Variants in FBXO4 observed in about 807,000 individuals in gnomAD.
FBXO4 encodes F-box protein 4.
A neutral mutation model predicts 43.7 loss-of-function variants in FBXO4; 36 were observed. The observed-to-expected ratio is 0.82, with a 90% CI of 0.63 to 1.09. The LOEUF (loss-of-function observed/expected upper bound fraction) is 1.09. Ranked by LOEUF, FBXO4 falls within the 50% of genes least tolerant of loss-of-function variation. FBXO4 has a pLI of 0.00. For missense variants in FBXO4, 435 were observed against 474.1 expected (o/e 0.92, Z 0.77); for synonymous variants, 180 against 165.6 (o/e 1.09, Z -0.67).
At chr5:41,956,208 C>A in the FBXO4 span, among the ~76,000 whole-genome samples, 1 of 152,112 alleles carries the variant, frequency 6.6e-6, no homozygotes, top group African/African-American at 2.4e-5. Flanking sequence ...ACTATACACC[C>A]TATGTTCAAG....
At chr5:41,998,493 T>C in the FBXO4 span, among the ~76,000 whole-genome samples, 1 of 152,182 alleles carries the variant, frequency 6.6e-6, no homozygotes, top group Non-Finnish European at 1.5e-5. Flanking sequence ...TCCAGCTAGC[T>C]CACAGTGGGC....
At chr5:42,020,432 G>A in the FBXO4 span, among the ~76,000 whole-genome samples, 1 of 152,138 alleles carries the variant, frequency 6.6e-6, no homozygotes, top group African/African-American at 2.4e-5. Flanking sequence ...AGTGAATCAA[G>A]AGGGTAACAT....
chr5:41,934,787 T>C, intron 5 of FBXO4: 2 of 1,005,188 alleles, frequency 2.0e-6, no homozygotes, highest in Non-Finnish European at 2.4e-6. Flanking sequence ...GGGTGTTAAG[T>C]AGATTAGTTG....
chr5:41,983,137 G>A, the FBXO4 span, among the ~76,000 whole-genome samples: 379 of 152,168 alleles, frequency 2.5e-3, 2 homozygotes, highest in Admixed American at 4.1e-3. Flanking sequence ...ATTTGGGTTG[G>A]TTACAAGTCT....
At chr5:42,036,652 G>A in the FBXO4 span, among the ~76,000 whole-genome samples, 1 of 152,070 alleles carries the variant, frequency 6.6e-6, no homozygotes, top group Non-Finnish European at 1.5e-5. Flanking sequence ...GGGCCTGAGG[G>A]GGCAGAGTCA....
At chr5:41,967,246 T>C in the FBXO4 span, 1 of 489,050 alleles carries the variant, frequency 2.0e-6, no homozygotes, top group South Asian at 1.6e-5. Flanking sequence ...ATTGCCACTG[T>C]CATAGGGCCA....
chr5:42,038,970 T>C, the FBXO4 span, among the ~76,000 whole-genome samples: 1 of 152,164 alleles, frequency 6.6e-6, no homozygotes, highest in Non-Finnish European at 1.5e-5. Context: ...TCCTTTTCAT[T>C]TTCTATAAGA....
the FBXO4 span, among the ~76,000 whole-genome samples, chr5:42,005,764 C>A: frequency 1.3e-5 from 2 of 152,042 alleles, no homozygotes; most frequent in Non-Finnish European, 2.9e-5. Context: ...GAATTTTTAA[C>A]CAAGTCTTTT....
chr5:41,963,028 A>C, the FBXO4 span, among the ~76,000 whole-genome samples: 4 of 152,144 alleles, frequency 2.6e-5, no homozygotes, highest in South Asian at 4.1e-4. Context: ...CACTCTGATA[A>C]ATTTTTTTCA....
the FBXO4 span, among the ~76,000 whole-genome samples, chr5:41,996,510 C>T: frequency 6.6e-6 from 1 of 152,230 alleles, no homozygotes; most frequent in Admixed American, 6.5e-5. Flanking sequence ...ACCTCAAGCA[C>T]CATTGGATCT....
downstream of FBXO4, among the ~76,000 whole-genome samples, chr5:41,946,630 A>C (rs1752080692): frequency 6.6e-6 from 1 of 152,184 alleles, no homozygotes; most frequent in Non-Finnish European, 1.5e-5. Flanking sequence ...GATATCTAAA[A>C]ATACTCCCCT....
At chr5:41,960,497 G>A in the FBXO4 span, among the ~76,000 whole-genome samples, 1 of 152,038 alleles carries the variant, frequency 6.6e-6, no homozygotes, top group South Asian at 2.1e-4. Flanking sequence ...TCTCATATAT[G>A]GTCTTTATTG....
At chr5:41,981,245 G>A in the FBXO4 span, among the ~76,000 whole-genome samples, 1 of 152,034 alleles carries the variant, frequency 6.6e-6, no homozygotes, top group African/African-American at 2.4e-5. Context: ...TTGGTGGCAA[G>A]ATTCAACTGA....
the FBXO4 span, among the ~76,000 whole-genome samples, chr5:41,971,002 G>A: frequency 1.3e-5 from 2 of 151,934 alleles, no homozygotes; most frequent in Admixed American, 6.6e-5. Flanking sequence ...AAAACCAAAT[G>A]CAAGATTGGA....
chr5:42,014,479 T>C, the FBXO4 span, among the ~76,000 whole-genome samples: 2 of 152,286 alleles, frequency 1.3e-5, no homozygotes, highest in African/African-American at 4.8e-5. Flanking sequence ...TATATAGGCA[T>C]TTTAGGTTAA....
the FBXO4 span, among the ~76,000 whole-genome samples, chr5:41,998,843 C>T: frequency 6.6e-6 from 1 of 152,146 alleles, no homozygotes; most frequent in African/African-American, 2.4e-5. Context: ...TATTTCAGCT[C>T]TTTCTCTACA....
the FBXO4 span, among the ~76,000 whole-genome samples, chr5:41,996,976 A>G: frequency 5.2e-3 from 794 of 152,340 alleles, 9 homozygotes; most frequent in African/African-American, 0.018. Flanking sequence ...GTGACATCTT[A>G]TGGAAACGAA....
At chr5:41,991,701 G>A in the FBXO4 span, among the ~76,000 whole-genome samples, 1 of 152,184 alleles carries the variant, frequency 6.6e-6, no homozygotes, top group African/African-American at 2.4e-5. Flanking sequence ...TTAACTCACA[G>A]AAGGTGATTT....
chr5:41,999,241 T>C, the FBXO4 span, among the ~76,000 whole-genome samples: 7 of 151,020 alleles, frequency 4.6e-5, no homozygotes, highest in Admixed American at 2.0e-4. Flanking sequence ...CCTTAGCATT[T>C]TGGGGTCTAA....
Sources: gnomAD v4.1 joint callset for allele counts (sites outside exome capture counted in the v4.1 genomes callset) on GRCh38, gnomAD v4.1.1 for gene constraint, MANE v1.5 for transcripts, NCBI Gene and HGNC (gene_info 2026-07-23, HGNC 2026-07-21) for gene names.